Variants in DCAF4 observed in about 807,000 individuals in gnomAD.
The protein encoded by DCAF4 is DDB1- and CUL4-associated factor 4.
DCAF4 carries 37 observed loss-of-function variants against 60.9 expected under a neutral mutation model. That is an observed-to-expected ratio of 0.61 (90% CI 0.47 to 0.80). DCAF4 has a LOEUF of 0.80. Among genes scored for constraint, DCAF4 ranks in the 30% least tolerant of loss-of-function variants. DCAF4 has a pLI of 0.00. For missense variants in DCAF4, 577 were observed against 650.0 expected, an observed-to-expected ratio of 0.89 and a Z score of 1.22; for synonymous variants, 243 against 254.8, an observed-to-expected ratio of 0.95 and a Z score of 0.44.
intron 9 of DCAF4, 21 bp from the exon 10 acceptor site, chr14:72,954,143 A>G: frequency 1.2e-6 from 2 of 1,613,800 alleles, no homozygotes; most frequent in Non-Finnish European, 1.7e-6. Context: ...CACACTTTAC[A>G]TTCTCCTATC....
intron 1 of DCAF4, among the ~76,000 whole-genome samples, chr14:72,930,641 G>A (rs536851812): frequency 2.6e-5 from 4 of 151,252 alleles, no homozygotes; most frequent in Non-Finnish European, 5.9e-5. Context: ...ATGTGTGTGT[G>A]TATATATATA....
At chr14:72,943,314 A>G (rs1594765074) in intron 6 of DCAF4, among the ~76,000 whole-genome samples, 1 of 152,170 alleles carries the variant, frequency 6.6e-6, no homozygotes, top group South Asian at 2.1e-4. Flanking sequence ...ATCACCCCCC[A>G]CTTCAGCTCC....
At chr14:72,961,767 G>A, downstream of DCAF4, 4 of 948,842 alleles carry the variant, frequency 4.2e-6, no homozygotes, top group Non-Finnish European at 3.8e-6. Context: ...CACCTGGTTG[G>A]CATCCCATAC....
At chr14:72,956,013 C>G (rs1263503807) in intron 12 of DCAF4, among the ~76,000 whole-genome samples, 2 of 137,800 alleles carry the variant, frequency 1.5e-5, no homozygotes, top group South Asian at 2.3e-4. Flanking sequence ...ACCTCTGTCT[C>G]TCAGGTTCAA....
chr14:72,953,732 A>AAAATATATAT lies in DCAF4; in HGVS notation c.809-431_809-430insAATATATATA, dbSNP rs1555527852. Reference sequence around the variant, plus strand: ...CTTAAAAAAAAAAAAAAAAAAAAAAAATATATATATATATATATATATATA... The same window carrying AAAATATATAT: ...CTTAAAAAAAAAAAAAAAAAAAAAAAAAATATATATATATATATATATATATATATATATA... On this transcript the variant is annotated intron_variant, in intron 9 of 13. Coordinates refer to ENST00000358377, the MANE Select transcript of DCAF4 (RefSeq NM_015604.4). Among the ~76,000 whole-genome samples the AAAATATATAT allele has an allele frequency of 1.4e-4, 3 of 21,778 alleles. 1 individual carries two copies. Among genetic ancestry groups the AAAATATATAT allele is most frequent in the South Asian group, 5.1e-3 (2 of 394 alleles). The allele number at this position is 21,778 out of a possible 152,430, so 14.3% of individuals were successfully genotyped here.
intron 1 of DCAF4, chr14:72,935,069 A>G (rs775597108): frequency 2.0e-5 from 3 of 152,210 alleles, no homozygotes; most frequent in African/African-American, 2.4e-5. Flanking sequence ...ACAAACAGTC[A>G]TGCAGAGTGA....
intron 1 of DCAF4, among the ~76,000 whole-genome samples, chr14:72,935,913 A>G (rs1404695352): frequency 1.3e-5 from 2 of 152,188 alleles, no homozygotes; most frequent in Non-Finnish European, 2.9e-5. Context: ...AGAGTTGGTA[A>G]TAATAATAAT....
chr14:72,951,701 C>A, intron 8 of DCAF4, 97 bp from the exon 9 acceptor site: 1 of 1,138,252 alleles, frequency 8.8e-7, no homozygotes. Context: ...TTACTCTGGC[C>A]TAGGTTGTGT....
chr14:72,956,670 A>C, intron 13 of DCAF4, 170 bp downstream of exon 13: 1 of 589,280 alleles, frequency 1.7e-6, no homozygotes, highest in Non-Finnish European at 3.0e-6. Context: ...AGATTATATT[A>C]GTAATCAGGA....
intron 2 of DCAF4, among the ~76,000 whole-genome samples, chr14:72,938,368 C>T (rs1453672390): frequency 2.0e-5 from 3 of 152,154 alleles, no homozygotes; most frequent in African/African-American, 7.2e-5. Flanking sequence ...TAGAGGTAGA[C>T]GTTATCTGAA....
At chr14:72,961,422 A>G (rs528092555), downstream of DCAF4, among the ~76,000 whole-genome samples, 2 of 152,184 alleles carry the variant, frequency 1.3e-5, no homozygotes, top group Non-Finnish European at 2.9e-5. Flanking sequence ...CAACTCCACC[A>G]TCCTGGGCCA....
At chr14:72,947,540 G>A (rs180935817) in intron 8 of DCAF4, among the ~76,000 whole-genome samples, 16 of 152,320 alleles carry the variant, frequency 1.1e-4, no homozygotes, top group Admixed American at 5.9e-4. Flanking sequence ...GGCGTGTGAC[G>A]GGAGGCTCTG....
chr14:72,931,165 T>C (rs780897148), intron 1 of DCAF4, among the ~76,000 whole-genome samples: 12 of 152,320 alleles, frequency 7.9e-5, no homozygotes, highest in Middle Eastern at 6.8e-3. Context: ...TTGATAGGGA[T>C]TGCATTCAAT....
intron 1 of DCAF4, among the ~76,000 whole-genome samples, chr14:72,932,070 C>T (rs1287429205): frequency 2.0e-5 from 3 of 151,352 alleles, no homozygotes; most frequent in Non-Finnish European, 4.4e-5. Flanking sequence ...CTCACTGCAA[C>T]CTCTGCCTCC....
intron 9 of DCAF4, among the ~76,000 whole-genome samples, chr14:72,953,723 A>AT (rs1762507354): frequency 7.5e-5 from 4 of 53,658 alleles, no homozygotes; most frequent in Non-Finnish European, 9.8e-5. Context: ...AAAAAAAAAA[A>AT]AAAAAAAAAA....
intron 5 of DCAF4, chr14:72,942,036 CAGG>C (rs947985064): frequency 5.1e-5 from 26 of 513,690 alleles, no homozygotes; most frequent in Non-Finnish European, 7.9e-5. Context: ...GGGACTCTTG[CAGG>C]AGGATAGGGA....
chr14:72,955,863 A>G (rs1892207265), intron 12 of DCAF4, among the ~76,000 whole-genome samples, 167 bp downstream of exon 12: 1 of 147,666 alleles, frequency 6.8e-6, no homozygotes, highest in South Asian at 2.1e-4. Context: ...CGTTGACCAT[A>G]TGAGCCTAAT....
downstream of DCAF4, among the ~76,000 whole-genome samples, chr14:72,961,473 T>A (rs560037705): frequency 6.6e-6 from 1 of 152,346 alleles, no homozygotes; most frequent in African/African-American, 2.4e-5. Context: ...TTGGTCCAAT[T>A]GATCTTGATC....
At chr14:72,931,043 G>A (rs1349368431) in intron 1 of DCAF4, among the ~76,000 whole-genome samples, 2 of 152,114 alleles carry the variant, frequency 1.3e-5, no homozygotes, top group Non-Finnish European at 2.9e-5. Flanking sequence ...TGCGAGGTGC[G>A]AGTCATCCCA....
Sources: allele counts gnomAD v4.1 joint callset (sites outside exome capture counted in the v4.1 genomes callset), GRCh38; gene constraint gnomAD v4.1.1; transcripts MANE v1.5; gene names NCBI Gene and HGNC (gene_info 2026-07-23, HGNC 2026-07-21).